The following SP4 variants were observed in gnomAD, a reference collection of about 807,000 sequenced individuals.
The protein encoded by SP4 is transcription factor Sp4.
A neutral mutation model predicts 72.8 loss-of-function variants in SP4; 19 were observed. The observed-to-expected ratio is 0.26, with a 90% CI of 0.18 to 0.38. The LOEUF (loss-of-function observed/expected upper bound fraction) is 0.38. Ranked by LOEUF, SP4 falls within the 10% of genes least tolerant of loss-of-function variation. The pLI is 1.00. For synonymous variants in SP4, 395 were observed against 333.1 expected, an observed-to-expected ratio of 1.19 and a Z score of -2.02; for missense variants, 1,008 against 926.3, an observed-to-expected ratio of 1.09 and a Z score of -1.14.
intron 5 of SP4, among the ~76,000 whole-genome samples, chr7:21,487,233 G>T (rs1005881575): frequency 5.9e-5 from 9 of 152,006 alleles, no homozygotes; most frequent in Non-Finnish European, 1.2e-4. Flanking sequence ...AACGCTAAGG[G>T]CGCCTTTTAA....
At chr7:21,444,736 G>C (rs1196340439) in intron 3 of SP4, among the ~76,000 whole-genome samples, 1 of 152,132 alleles carries the variant, frequency 6.6e-6, no homozygotes, top group Non-Finnish European at 1.5e-5. Context: ...TATAGAACAG[G>C]AAACCAAGGC....
intron 3 of SP4, among the ~76,000 whole-genome samples, chr7:21,461,478 G>C (rs961080598): frequency 6.6e-6 from 1 of 152,240 alleles, no homozygotes; most frequent in African/African-American, 2.4e-5. Context: ...TGCTGACCCA[G>C]GTGTTAAGCC....
In SP4 at chr7:21,463,076, C is replaced by CT. The variant is rs578120285; in HGVS notation, c.1679-13988dup. ...TGGACAGCACTGATAAATAACTTTT[C>CT]TTTTTTTTTTTTTTTGAGACAGGGT... On this transcript the variant is annotated intron_variant, in intron 3 of 5. Transcript: ENST00000222584. Among the ~76,000 whole-genome samples, 674 of 137,804 alleles carry CT rather than the reference C, an allele frequency of 4.9e-3. 4 individuals carry two copies. Among genetic ancestry groups the CT allele is most frequent in the South Asian group, 0.02 (88 of 4,304 alleles). The allele number at this position is 137,804 out of a possible 152,430, so 90.4% of individuals were successfully genotyped here.
At chr7:21,467,780 C>T (rs1469080534) in intron 3 of SP4, among the ~76,000 whole-genome samples, 6 of 152,012 alleles carry the variant, frequency 3.9e-5, no homozygotes, top group Non-Finnish European at 4.4e-5. Flanking sequence ...TTATTCAGAA[C>T]AGAAAAAATC....
At chr7:21,446,823 C>CTTTTT (rs34433968) in intron 3 of SP4, among the ~76,000 whole-genome samples, 3 of 148,462 alleles carry the variant, frequency 2.0e-5, no homozygotes, top group African/African-American at 2.5e-5. Context: ...TTGACAAATT[C>CTTTTT]TTTTTTTTTT....
chr7:21,487,226 G>T (rs1046976534), intron 5 of SP4, among the ~76,000 whole-genome samples: 1 of 151,904 alleles, frequency 6.6e-6, no homozygotes, highest in Non-Finnish European at 1.5e-5. Flanking sequence ...TGTTTTTAAC[G>T]CTAAGGGCGC....
chr7:21,435,536 T>A (rs1783022300), intron 3 of SP4, among the ~76,000 whole-genome samples: 1 of 152,220 alleles, frequency 6.6e-6, no homozygotes, highest in African/African-American at 2.4e-5. Context: ...CAAATATGGC[T>A]TTCCTTTGCC....
intron 3 of SP4, among the ~76,000 whole-genome samples, chr7:21,460,075 C>G (rs907879704): frequency 9.2e-5 from 14 of 152,104 alleles, no homozygotes; most frequent in African/African-American, 2.7e-4. Context: ...ACCTGGTAGG[C>G]TTGAACTAAT....
intron 3 of SP4, among the ~76,000 whole-genome samples, chr7:21,453,671 C>CG (rs772460771): frequency 1.2e-4 from 19 of 152,314 alleles, no homozygotes; most frequent in Non-Finnish European, 2.4e-4. Context: ...CAATCTTAAT[C>CG]AGTTTGCCCT....
Position 21,512,887 on chromosome 7 carries a change from T to C in SP4, c.*1618T>C, listed in dbSNP as rs1345021698. 1.3e-5 allele frequency: 2 copies of C among 152,568 alleles called. No homozygotes were observed. The highest frequency in any genetic ancestry group is 4.8e-5 in the African/African-American group (2 of 41,422). 9.5% of individuals were successfully genotyped at this position (152,568 alleles called of 1,614,324 possible). On this transcript the variant is annotated 3_prime_UTR_variant, in exon 6 of 6. Coordinates refer to ENST00000222584, the MANE Select transcript of SP4 (RefSeq NM_003112.5). ...TAGGAAAGGGTCTTACTAGGAAAGA[T>C]GGCCAAAAGTTTCATATGAAAAAAA...
chr7:21,460,933 G>A (rs745746157), intron 3 of SP4, among the ~76,000 whole-genome samples: 28 of 151,734 alleles, frequency 1.8e-4, no homozygotes, highest in Non-Finnish European at 3.5e-4. Flanking sequence ...TAGACATAAA[G>A]ATTCTCCAAG....
At chr7:21,493,610 C>G (rs931095248) in intron 5 of SP4, among the ~76,000 whole-genome samples, 19 of 152,244 alleles carry the variant, frequency 1.2e-4, no homozygotes, top group African/African-American at 3.9e-4. Flanking sequence ...TGGAACAACT[C>G]CTTGAAAGAT....
chr7:21,428,300 CT>C, intron 1 of SP4, 42 bp downstream of exon 1: 1 of 1,149,280 alleles, frequency 8.7e-7, no homozygotes, highest in Non-Finnish European at 1.3e-6. Context: ...CGCCGCCTCC[CT>C]CTCTCCCTCC....
chr7:21,489,643 T>C (rs181000955), intron 5 of SP4, among the ~76,000 whole-genome samples: 3,826 of 145,834 alleles, frequency 0.026, 88 homozygotes, highest in East Asian at 0.083. Context: ...CACTGCAAGC[T>C]CCGCCTCCTG....
At chr7:21,459,308 A>C (rs1032683115) in intron 3 of SP4, among the ~76,000 whole-genome samples, 18 of 152,040 alleles carry the variant, frequency 1.2e-4, no homozygotes, top group African/African-American at 4.3e-4. Context: ...TTTAGTAGAG[A>C]CAGGGTTTCA....
chr7:21,459,524 G>T (rs577036166), intron 3 of SP4, among the ~76,000 whole-genome samples: 54 of 152,296 alleles, frequency 3.5e-4, no homozygotes, highest in Non-Finnish European at 5.4e-4. Flanking sequence ...TAAACTCTTT[G>T]TGTTTTACCC....
At chr7:21,474,462 AGT>A (rs1048819033) in intron 3 of SP4, among the ~76,000 whole-genome samples, 1 of 152,192 alleles carries the variant, frequency 6.6e-6, no homozygotes, top group Non-Finnish European at 1.5e-5. Flanking sequence ...CAGTAAACAA[AGT>A]GTGTGTATCA....
chr7:21,428,863 G>T, intron 2 of SP4, 71 bp downstream of exon 2: 2 of 1,144,726 alleles, frequency 1.7e-6, no homozygotes, highest in South Asian at 3.0e-5. Flanking sequence ...CCCTTTGAAT[G>T]TCCAGAAGTA....
At chr7:21,487,243 A>G (rs1158094549) in intron 5 of SP4, among the ~76,000 whole-genome samples, 1 of 152,108 alleles carries the variant, frequency 6.6e-6, no homozygotes, top group East Asian at 1.9e-4. Flanking sequence ...GCGCCTTTTA[A>G]TCTGTGGTGT....
Sources: gnomAD v4.1 joint callset for allele counts (sites outside exome capture counted in the v4.1 genomes callset) on GRCh38, gnomAD v4.1.1 for gene constraint, MANE v1.5 for transcripts, NCBI Gene and HGNC (gene_info 2026-07-23, HGNC 2026-07-21) for gene names.